FAT3: variants seen among roughly 807,000 people sequenced by gnomAD.
FAT3 encodes protocadherin Fat 3.
Under a neutral mutation model 310.2 loss-of-function variants are expected in FAT3, and 95 were observed. The ratio of observed to expected loss-of-function variants is 0.31; its 90% confidence interval spans 0.26 to 0.36. The LOEUF is 0.36. Ranked by LOEUF, FAT3 falls within the 10% of genes least tolerant of loss-of-function variation. FAT3 has a pLI of 1.00. For missense variants in FAT3, 5,408 were observed against 5,715.6 expected (o/e 0.95, Z 1.74); for synonymous variants, 2,314 against 2,192.9 (o/e 1.06, Z -1.54).
intron 2 of FAT3, among the ~76,000 whole-genome samples, chr11:92,518,390 T>G (rs1297462690): frequency 6.6e-6 from 1 of 152,088 alleles, no homozygotes; most frequent in African/African-American, 2.4e-5. Context: ...GAAACCATCA[T>G]TCTCAGCAAA....
At chr11:92,276,853 G>A (rs930917936) in intron 1 of FAT3, among the ~76,000 whole-genome samples, 3 of 152,116 alleles carry the variant, frequency 2.0e-5, no homozygotes, top group Non-Finnish European at 2.9e-5. Context: ...GTATAACCTC[G>A]TAGGACAATC....
intron 2 of FAT3, among the ~76,000 whole-genome samples, chr11:92,512,130 A>G (rs1953311487): frequency 6.6e-6 from 1 of 152,120 alleles, no homozygotes; most frequent in African/African-American, 2.4e-5. Context: ...AAAATCCCCA[A>G]TTTAAAAAAA....
chr11:92,248,597 A>G (rs1230817679), intron 1 of FAT3, among the ~76,000 whole-genome samples: 2 of 152,082 alleles, frequency 1.3e-5, no homozygotes, highest in South Asian at 2.1e-4. Flanking sequence ...TAAGAAAACA[A>G]TTTTAAATTT....
intron 3 of FAT3, 31 bp downstream of exon 3, chr11:92,524,979 G>A (rs1414331927): frequency 1.9e-6 from 3 of 1,562,448 alleles, no homozygotes; most frequent in Non-Finnish European, 2.6e-6. Context: ...CTTCTTTTTA[G>A]TTTGTAGTCC....
At chr11:92,238,643 C>G (rs955880798) in intron 1 of FAT3, among the ~76,000 whole-genome samples, 3 of 151,962 alleles carry the variant, frequency 2.0e-5, no homozygotes, top group African/African-American at 7.3e-5. Flanking sequence ...TGCTGTCAAT[C>G]CAAGTTTGAG....
intron 1 of FAT3, among the ~76,000 whole-genome samples, chr11:92,350,601 A>G (rs1445251828): frequency 6.6e-6 from 1 of 152,104 alleles, no homozygotes; most frequent in African/African-American, 2.4e-5. Flanking sequence ...TTTTAGAGAA[A>G]GATTAAGGTC....
chr11:92,641,032 A>G (rs1941943223), intron 3 of FAT3, among the ~76,000 whole-genome samples: 1 of 152,164 alleles, frequency 6.6e-6, no homozygotes, highest in Admixed American at 6.5e-5. Context: ...CCCTGTCTCA[A>G]CAAAACATAC....
chr11:92,480,532 C>T (rs2135191310), intron 2 of FAT3, among the ~76,000 whole-genome samples: 1 of 152,298 alleles, frequency 6.6e-6, no homozygotes, highest in South Asian at 2.1e-4. Context: ...GAACAGCTGA[C>T]TTTGTGTTCC....
At chr11:92,477,434 T>C (rs1372782206) in intron 2 of FAT3, among the ~76,000 whole-genome samples, 1 of 152,238 alleles carries the variant, frequency 6.6e-6, no homozygotes, top group African/African-American at 2.4e-5. Context: ...ATGTCTTTCC[T>C]TTCTTTTTGG....
Position 92,666,157 on chromosome 11 carries a change from G to T in FAT3, c.3608-31227G>T, listed in dbSNP as rs1942942321. Among the ~76,000 whole-genome samples the T allele has an allele frequency of 2.0e-5, 3 of 151,978 alleles. No individual in the cohort carries two copies. The East Asian group carries it at 5.8e-4, about 29-fold the overall frequency. On this transcript the variant is annotated intron_variant, in intron 3 of 27. Coordinates refer to ENST00000525166, the MANE Select transcript of FAT3 (RefSeq NM_001367949.2). ...GTTGGCAGCTTGCTGCTAAAAAGTG[G>T]CTCAAAAAAAGGGTTCAGTTATAAA...
rs371391625 is a variant in FAT3, at chr11:92,746,383, T to C, written c.3670-15473T>C. ...AAACCATCAGATCCCATGAAACTTATTCACTACTGGGAGAACAATATATGA... is the reference window on the plus strand; with the variant it reads ...AAACCATCAGATCCCATGAAACTTACTCACTACTGGGAGAACAATATATGA... On this transcript the variant is annotated intron_variant, in intron 4 of 27. Transcript: ENST00000525166. 7.7e-4 allele frequency among the ~76,000 whole-genome samples: 118 copies of C among 152,284 alleles called. 1 individual carries two copies. In the South Asian group the frequency reaches 0.024, roughly 31 times the overall value.
chr11:92,714,439 C>T (rs1217608576), intron 4 of FAT3, among the ~76,000 whole-genome samples: 1 of 152,026 alleles, frequency 6.6e-6, no homozygotes, highest in Non-Finnish European at 1.5e-5. Context: ...TGATGAGGCT[C>T]AGTACACTGT....
chr11:92,636,758 A>C (rs528851091), intron 3 of FAT3, among the ~76,000 whole-genome samples: 1 of 152,202 alleles, frequency 6.6e-6, no homozygotes, highest in African/African-American at 2.4e-5. Flanking sequence ...AGTGTAGACT[A>C]TATTGCTCAG....
At chr11:92,356,920 A>G (rs1948748413) in intron 2 of FAT3, among the ~76,000 whole-genome samples, 1 of 152,218 alleles carries the variant, frequency 6.6e-6, no homozygotes, top group Non-Finnish European at 1.5e-5. Flanking sequence ...AGTTTAAACT[A>G]TAACTTTTGT....
chr11:92,456,208 G>T (rs1239523268), intron 2 of FAT3, among the ~76,000 whole-genome samples: 1 of 152,138 alleles, frequency 6.6e-6, no homozygotes, highest in African/African-American at 2.4e-5. Flanking sequence ...GTCTCTCCTA[G>T]GATTAAATAA....
intron 18 of FAT3, 73 bp downstream of exon 18, chr11:92,840,832 T>C: frequency 1.4e-6 from 2 of 1,384,600 alleles, no homozygotes; most frequent in East Asian, 4.7e-5. Context: ...TTTGGTGGAT[T>C]TTTTTCTTTG....
At chr11:92,886,871 G>T in intron 24 of FAT3, 129 bp from the exon 25 acceptor site, 1 of 704,738 alleles carries the variant, frequency 1.4e-6, no homozygotes, top group Non-Finnish European at 2.4e-6. Context: ...CTACTGTGGA[G>T]CTAAATTATT....
intron 3 of FAT3, among the ~76,000 whole-genome samples, chr11:92,647,296 A>G (rs1277857701): frequency 6.6e-6 from 1 of 152,208 alleles, no homozygotes; most frequent in Non-Finnish European, 1.5e-5. Context: ...TTAAAAGAAC[A>G]TATAGTTTAG....
rs558492608 is a variant in FAT3, at chr11:92,637,874, C to G, written c.3608-59510C>G. The stretch of plus-strand genomic sequence containing the variant: ...TTGGTTTTCAAAATAAATGAACCAG[C>G]CTGTCAGGCATATGGAGTTCCTGGA... On this transcript the variant is annotated intron_variant, in intron 3 of 27. Coordinates refer to ENST00000525166, the MANE Select transcript of FAT3 (RefSeq NM_001367949.2). Among the ~76,000 whole-genome samples, 550 of 152,302 alleles carry G rather than the reference C, an allele frequency of 3.6e-3. 2 individuals carry two copies. Among genetic ancestry groups the G allele is most frequent in the Middle Eastern group, 0.024 (7 of 294 alleles).
Sources: gnomAD v4.1 joint callset for allele counts (sites outside exome capture counted in the v4.1 genomes callset) on GRCh38, gnomAD v4.1.1 for gene constraint, MANE v1.5 for transcripts, NCBI Gene and HGNC (gene_info 2026-07-23, HGNC 2026-07-21) for gene names.